COBL: variants seen among roughly 807,000 people sequenced by gnomAD.
The protein encoded by COBL is protein cordon-bleu.
Under a neutral mutation model 98.8 loss-of-function variants are expected in COBL, and 51 were observed. That is an observed-to-expected ratio of 0.52 (90% CI 0.41 to 0.65). The LOEUF (loss-of-function observed/expected upper bound fraction) is 0.65. Ranked by LOEUF, COBL falls within the 30% of genes least tolerant of loss-of-function variation. COBL has a pLI of 0.00. For missense variants in COBL, 1,617 were observed against 1,617.5 expected (o/e 1.00, Z 0.01); for synonymous variants, 634 against 651.7 (o/e 0.97, Z 0.41).
At chr7:51,024,057 C>A (rs927217244) in intron 12 of COBL, among the ~76,000 whole-genome samples, 1 of 152,180 alleles carries the variant, frequency 6.6e-6, no homozygotes, top group Admixed American at 6.5e-5. Context: ...CGCCTGTAAT[C>A]CCAGCACTTT....
chr7:51,231,161 A>T (rs1036023740), intron 1 of COBL, among the ~76,000 whole-genome samples: 3 of 152,236 alleles, frequency 2.0e-5, no homozygotes, highest in Non-Finnish European at 4.4e-5. Flanking sequence ...TCATTCTTGT[A>T]AAACCCATAC....
intron 1 of COBL, among the ~76,000 whole-genome samples, chr7:51,302,134 C>T (rs1731684812): frequency 6.6e-6 from 1 of 152,158 alleles, no homozygotes; most frequent in Non-Finnish European, 1.5e-5. Context: ...GCTGGGCTAA[C>T]AAGGGCAAAG....
chr7:51,243,260 C>T (rs1055638632), intron 1 of COBL, among the ~76,000 whole-genome samples: 3 of 152,148 alleles, frequency 2.0e-5, no homozygotes, highest in African/African-American at 4.8e-5. Flanking sequence ...CAGCTGTGTG[C>T]GGGGAGCAGA....
At chr7:51,123,673 T>C (rs1797942709) in intron 6 of COBL, among the ~76,000 whole-genome samples, 1 of 152,070 alleles carries the variant, frequency 6.6e-6, no homozygotes, top group African/African-American at 2.4e-5. Context: ...TTTTTAAATC[T>C]TTGAGTTTTG....
intron 6 of COBL, among the ~76,000 whole-genome samples, chr7:51,127,232 G>T (rs1798298854): frequency 6.6e-6 from 1 of 152,180 alleles, no homozygotes; most frequent in South Asian, 2.1e-4. Context: ...CACAGAACTG[G>T]AAAGTCACAA....
At chr7:51,277,783 G>A (rs547249929) in intron 1 of COBL, among the ~76,000 whole-genome samples, 2 of 152,274 alleles carry the variant, frequency 1.3e-5, no homozygotes, top group East Asian at 3.9e-4. Context: ...CATTGTGAGA[G>A]CAGGGGGCAC....
chr7:51,017,511 A>C lies in COBL; in HGVS notation c.*40T>G. On this transcript the variant is annotated 3_prime_UTR_variant, in exon 13 of 13. Coordinates refer to ENST00000265136, the MANE Select transcript of COBL (RefSeq NM_015198.5). ...CTCCTTGAGTGACGCCTGTGGGCAT[A>C]TTACAGGTGGGTTTCTGCAATTCTC... is the stretch of plus-strand genomic sequence containing the variant. 6.2e-7 allele frequency: 1 copy of C among 1,609,276 alleles called. No individual in the cohort carries two copies. The highest frequency in any genetic ancestry group is 8.5e-7 in the Non-Finnish European group (1 of 1,175,628).
intron 6 of COBL, among the ~76,000 whole-genome samples, chr7:51,131,819 C>T (rs1266430265): frequency 6.6e-6 from 1 of 152,186 alleles, no homozygotes; most frequent in African/African-American, 2.4e-5. Flanking sequence ...AACTCAAACT[C>T]CTGACCTTGT....
intron 2 of COBL, among the ~76,000 whole-genome samples, chr7:51,200,481 T>C (rs896328832): frequency 6.6e-6 from 1 of 152,122 alleles, no homozygotes; most frequent in African/African-American, 2.4e-5. Context: ...ATCAGTTACA[T>C]AAAGTGTCTG....
At chr7:51,307,926 G>C (rs113166460) in intron 1 of COBL, among the ~76,000 whole-genome samples, 1 of 152,156 alleles carries the variant, frequency 6.6e-6, no homozygotes, top group Non-Finnish European at 1.5e-5. Flanking sequence ...CTCTTCCTAC[G>C]TGTGATGTTG....
chr7:51,024,957 CAT>C (rs1787373937), intron 12 of COBL, 150 bp downstream of exon 12: 2 of 1,052,854 alleles, frequency 1.9e-6, no homozygotes, highest in Non-Finnish European at 2.8e-6. Flanking sequence ...CTGGTCAGCA[CAT>C]GTGAGAGACA....
At chr7:51,050,625 C>T (rs935932664) in intron 7 of COBL, among the ~76,000 whole-genome samples, 3 of 152,204 alleles carry the variant, frequency 2.0e-5, no homozygotes, top group African/African-American at 7.2e-5. Context: ...ATGGTCCAAT[C>T]GGGCTGGAAT....
intron 6 of COBL, among the ~76,000 whole-genome samples, chr7:51,131,269 C>G (rs567568823): frequency 6.6e-6 from 1 of 152,096 alleles, no homozygotes; most frequent in African/African-American, 2.4e-5. Context: ...TTGTCAATTA[C>G]AATAAAAATG....
Sources: gnomAD v4.1 joint callset for allele counts (sites outside exome capture counted in the v4.1 genomes callset) on GRCh38, gnomAD v4.1.1 for gene constraint, MANE v1.5 for transcripts, NCBI Gene and HGNC (gene_info 2026-07-23, HGNC 2026-07-21) for gene names.